Variants in ANKFN1 observed in about 807,000 individuals in gnomAD.
ANKFN1 encodes ankyrin repeat and fibronectin type III domain containing 1.
In ANKFN1, 74 loss-of-function variants were observed where a neutral mutation model predicts 108.7. The observed-to-expected ratio is 0.68, with a 90% CI of 0.56 to 0.83. ANKFN1 has a LOEUF of 0.83. Ranked by LOEUF, ANKFN1 falls within the 40% of genes least tolerant of loss-of-function variation. The pLI is 0.00. For synonymous variants in ANKFN1, 547 were observed against 516.2 expected (o/e 1.06, Z -0.81); for missense variants, 1,505 against 1,382.3 (o/e 1.09, Z -1.41).
intron 8 of ANKFN1, among the ~76,000 whole-genome samples, chr17:56,392,449 C>T (rs1298419294): frequency 6.6e-6 from 1 of 152,182 alleles, no homozygotes; most frequent in African/African-American, 2.4e-5. Flanking sequence ...AGGGCATCTC[C>T]AGCCTTGGAG....
chr17:56,341,558 A>G (rs2045959696), intron 4 of ANKFN1, among the ~76,000 whole-genome samples: 1 of 152,050 alleles, frequency 6.6e-6, no homozygotes, highest in South Asian at 2.1e-4. Context: ...ATCTATTGAG[A>G]TAATCATGTG....
At chr17:56,134,626 T>A (rs2143362750) in intron 4 of ANKFN1, among the ~76,000 whole-genome samples, 1 of 152,180 alleles carries the variant, frequency 6.6e-6, no homozygotes, top group East Asian at 1.9e-4. Flanking sequence ...ATTGCAAGGG[T>A]TTTAGCAGCT....
chr17:56,442,985 A>G (rs746610981), intron 10 of ANKFN1, 52 bp downstream of exon 10: 14 of 1,573,896 alleles, frequency 8.9e-6, no homozygotes, highest in Non-Finnish European at 1.2e-5. Flanking sequence ...TCCAACTGCA[A>G]CTCCATCTTC....
chr17:56,215,109 T>C (rs1915327967), intron 2 of ANKFN1, among the ~76,000 whole-genome samples: 1 of 152,214 alleles, frequency 6.6e-6, no homozygotes. Flanking sequence ...GTCTCCAAAC[T>C]CCTGCCTCTG....
At chr17:56,152,338 C>T (rs548938797), upstream of ANKFN1, among the ~76,000 whole-genome samples, 78 of 148,716 alleles carry the variant, frequency 5.2e-4, 1 homozygote, top group Admixed American at 1.6e-3. Context: ...TAACTCAGTA[C>T]GAATATCCTC....
intron 3 of ANKFN1, among the ~76,000 whole-genome samples, chr17:56,261,197 A>G (rs886581446): frequency 1.3e-5 from 2 of 152,202 alleles, no homozygotes; most frequent in Admixed American, 6.5e-5. Flanking sequence ...CTATATTTTG[A>G]ACAATATTGT....
intron 8 of ANKFN1, among the ~76,000 whole-genome samples, chr17:56,392,766 C>T (rs1276251642): frequency 2.0e-5 from 3 of 152,136 alleles, no homozygotes; most frequent in African/African-American, 7.2e-5. Context: ...ATCTCAGGAC[C>T]ATCTGCCAAT....
chr17:56,381,776 T>C (rs2047112849), intron 8 of ANKFN1, among the ~76,000 whole-genome samples: 1 of 152,114 alleles, frequency 6.6e-6, no homozygotes, highest in Admixed American at 6.6e-5. Context: ...CCAAGAAATA[T>C]GGGACTATGT....
chr17:56,303,560 T>C lies in ANKFN1; in HGVS notation c.54-22661T>C, dbSNP rs180937405. Among the ~76,000 whole-genome samples, 6 of 152,362 alleles carry C rather than the reference T, an allele frequency of 3.9e-5. No individual in the cohort carries two copies. In the East Asian group the frequency reaches 1.2e-3, roughly 29 times the overall value. On this transcript the variant is annotated intron_variant, in intron 3 of 20. Coordinates refer to ENST00000682825, the MANE Select transcript of ANKFN1 (RefSeq NM_001370326.1). ...TATGTTAAAGGAGGTTAAACCAGAC[T>C]ATTGAAGCAGGCTATTTTCACAGTG... is the stretch of plus-strand genomic sequence containing the variant.
intron 3 of ANKFN1, among the ~76,000 whole-genome samples, chr17:56,298,184 A>G (rs1027095633): frequency 3.3e-5 from 5 of 152,210 alleles, no homozygotes; most frequent in East Asian, 3.8e-4. Flanking sequence ...AAAGCAATTG[A>G]TATAGAGCCC....
intron 4 of ANKFN1, among the ~76,000 whole-genome samples, chr17:56,071,051 A>G (rs1304174463): frequency 6.6e-6 from 1 of 152,002 alleles, no homozygotes; most frequent in East Asian, 1.9e-4. Context: ...CATTTTTAAC[A>G]TTTTTGACTT....
In ANKFN1 at chr17:56,187,841, C is replaced by G. The variant is rs569571499; in HGVS notation, c.-70-24757C>G. ...GCAAACTATCGCAAGGACAGAAAAC[C>G]AAACACTGCATGTTCTCACCCATAG... On this transcript the variant is annotated intron_variant, in intron 1 of 20. Transcript: ENST00000682825. Among the ~76,000 whole-genome samples the G allele has an allele frequency of 4.0e-5, 6 of 151,516 alleles. 1 individual carries two copies. In the South Asian group the frequency reaches 1.3e-3, roughly 32 times the overall value.
intron 20 of ANKFN1, among the ~76,000 whole-genome samples, chr17:56,499,781 T>G (rs1274530318): frequency 6.6e-6 from 1 of 152,084 alleles, no homozygotes; most frequent in Non-Finnish European, 1.5e-5. Context: ...ACAAAATACC[T>G]CTATGCTTAT....
In ANKFN1 at chr17:56,173,326, A is replaced by G. The variant is rs12603416; in HGVS notation, c.-71+19796A>G. ...CTGCATAGAATGTATTTCCCCAGAC[A>G]TGGGTATGGCTTCTTTCACCACCAT... On this transcript the variant is annotated intron_variant, in intron 1 of 20. Coordinates refer to ENST00000682825, the MANE Select transcript of ANKFN1 (RefSeq NM_001370326.1). Among the ~76,000 whole-genome samples, 1,005 of 152,212 alleles carry G rather than the reference A, an allele frequency of 6.6e-3. 58 individuals carry two copies. In the East Asian group the frequency reaches 0.16, roughly 25 times the overall value.
intron 4 of ANKFN1, among the ~76,000 whole-genome samples, chr17:56,099,800 T>C (rs1905603903): frequency 6.6e-6 from 1 of 152,210 alleles, no homozygotes; most frequent in African/African-American, 2.4e-5. Flanking sequence ...GTGGAAACTG[T>C]TGCTTGAGAG....
At chr17:56,274,604 C>T (rs1194552973) in intron 3 of ANKFN1, among the ~76,000 whole-genome samples, 2 of 152,152 alleles carry the variant, frequency 1.3e-5, no homozygotes, top group Non-Finnish European at 2.9e-5. Flanking sequence ...TAGCAGAGAG[C>T]GATTGAAACA....
At chr17:56,077,706 A>T (rs1014936310) in intron 4 of ANKFN1, among the ~76,000 whole-genome samples, 21 of 151,904 alleles carry the variant, frequency 1.4e-4, no homozygotes, top group Non-Finnish European at 2.9e-4. Context: ...CCTTGCCCCT[A>T]CTTCTAGGGT....
chr17:56,122,031 C>A (rs557654732), intron 4 of ANKFN1, among the ~76,000 whole-genome samples: 7 of 152,132 alleles, frequency 4.6e-5, no homozygotes, highest in Non-Finnish European at 8.8e-5. Context: ...TCACTAGCAC[C>A]TGCTAGCTGA....
chr17:56,246,834 G>A, intron 3 of ANKFN1, among the ~76,000 whole-genome samples: 1 of 152,056 alleles, frequency 6.6e-6, no homozygotes, highest in East Asian at 1.9e-4. Flanking sequence ...AGACATACAT[G>A]TTGTAGGGGA....
Sources: gnomAD v4.1 joint callset for allele counts (sites outside exome capture counted in the v4.1 genomes callset) on GRCh38, gnomAD v4.1.1 for gene constraint, MANE v1.5 for transcripts, NCBI Gene and HGNC (gene_info 2026-07-23, HGNC 2026-07-21) for gene names.